The following BORA variants were observed in gnomAD, a reference collection of about 807,000 sequenced individuals.
BORA encodes protein aurora borealis.
BORA carries 26 observed loss-of-function variants against 55.8 expected under a neutral mutation model. The ratio of observed to expected loss-of-function variants is 0.47; its 90% CI spans 0.34 to 0.65. BORA has a LOEUF of 0.65. Ranked by LOEUF, BORA falls within the 30% of genes least tolerant of loss-of-function variation. BORA has a pLI of 0.01. For missense variants in BORA, 568 were observed against 671.5 expected, an observed-to-expected ratio of 0.85 and a Z score of 1.70; for synonymous variants, 201 against 216.9, an observed-to-expected ratio of 0.93 and a Z score of 0.64.
chr13:72,731,455 A>G (rs1468881831), intron 3 of BORA, 68 bp downstream of exon 3: 4 of 1,182,230 alleles, frequency 3.4e-6, no homozygotes, highest in Non-Finnish European at 4.9e-6. Flanking sequence ...GAAATTCTAA[A>G]TGTTGAGTAT....
intron 5 of BORA, among the ~76,000 whole-genome samples, chr13:72,742,703 T>C (rs1289106933): frequency 6.6e-6 from 1 of 151,870 alleles, no homozygotes; most frequent in Non-Finnish European, 1.5e-5. Context: ...AGCCAAGATA[T>C]GGAGTCAACC....
At position 72,738,123 on chromosome 13, in the gene BORA, A is replaced by G. The variant is rs1162996314; in HGVS notation, c.388+80A>G. 6 of 938,288 alleles carry G rather than the reference A, an allele frequency of 6.4e-6. No individual in the cohort carries two copies. The Admixed American group carries it at 6.4e-5, about 10-fold the overall frequency. 58.1% of individuals were successfully genotyped at this position (938,288 alleles called of 1,614,324 possible). On this transcript the variant is annotated intron_variant, in intron 5 of 11. Transcript: ENST00000390667. ...GCAACATATCATGAAGTGCCAGTATATCTGCTTTGTAAGAAGCTTGCTTTA... is the reference window on the plus strand; with the variant it reads ...GCAACATATCATGAAGTGCCAGTATGTCTGCTTTGTAAGAAGCTTGCTTTA...
At chr13:72,733,791 AT>A (rs1200136723) in intron 3 of BORA, among the ~76,000 whole-genome samples, 1 of 152,144 alleles carries the variant, frequency 6.6e-6, no homozygotes, top group Non-Finnish European at 1.5e-5. Flanking sequence ...AATTTCTGAA[AT>A]GTATACATTC....
intron 6 of BORA, among the ~76,000 whole-genome samples, chr13:72,744,248 CTTCCTT>C (rs2033095734): frequency 6.6e-6 from 1 of 152,216 alleles, no homozygotes; most frequent in Non-Finnish European, 1.5e-5. Context: ...TATAGGCTGG[CTTCCTT>C]TTCAAGTGCC....
At chr13:72,744,619 G>A in intron 7 of BORA, 58 bp downstream of exon 7, 1 of 1,349,898 alleles carries the variant, frequency 7.4e-7, no homozygotes, top group Non-Finnish European at 1.0e-6. Flanking sequence ...TTGTTTGGCT[G>A]GCTTTTTGTA....
chr13:72,744,595 T>G (rs1285239420), intron 7 of BORA, 34 bp downstream of exon 7: 1 of 1,509,698 alleles, frequency 6.6e-7, no homozygotes, highest in Non-Finnish European at 9.1e-7. Flanking sequence ...TTTTAATAAC[T>G]TGAACCAAAG....
At chr13:72,750,164 G>C (rs2033235912) in intron 10 of BORA, among the ~76,000 whole-genome samples, 2 of 152,158 alleles carry the variant, frequency 1.3e-5, no homozygotes, top group South Asian at 4.1e-4. Context: ...AGACTGAAAA[G>C]AACCAGCCAA....
rs141184748 is a variant in BORA at position 72,745,344 on chromosome 13, G to A, written c.738+137G>A. 3,130 of 700,448 alleles carry A rather than the reference G, an allele frequency of 4.5e-3. 20 individuals carry two copies. The highest frequency in any genetic ancestry group is 6.3e-3 in the Non-Finnish European group (2,671 of 425,336). 43.4% of individuals were successfully genotyped at this position (700,448 alleles called of 1,614,324 possible). A position where few individuals can be genotyped will look rare whatever the true frequency, so the allele number is the denominator to read the frequency against. Reference sequence around the variant, plus strand: ...TCTCTAGTAAATAAGTGGAAAAGAGGGATGAGGAAGGGCCTTTACTGGCCT... The same window carrying A: ...TCTCTAGTAAATAAGTGGAAAAGAGAGATGAGGAAGGGCCTTTACTGGCCT... On this transcript the variant is annotated intron_variant, in intron 8 of 11. Coordinates refer to ENST00000390667, the MANE Select transcript of BORA (RefSeq NM_024808.5).
At chr13:72,729,118 A>C (rs780105656) in intron 2 of BORA, 25 bp downstream of exon 2, 1 of 1,481,136 alleles carries the variant, frequency 6.8e-7, no homozygotes, top group South Asian at 1.3e-5. Context: ...ACTAGTGTTT[A>C]CAACTAATTT....
intron 5 of BORA, among the ~76,000 whole-genome samples, chr13:72,740,364 T>C (rs149393210): frequency 3.0e-4 from 46 of 152,310 alleles, no homozygotes; most frequent in African/African-American, 1.1e-3. Flanking sequence ...AACTTTGACA[T>C]GTTCACCTGT....
chr13:72,739,138 TC>T (rs34153947), intron 5 of BORA, among the ~76,000 whole-genome samples: 1 of 152,124 alleles, frequency 6.6e-6, no homozygotes. Context: ...TCCATTTACA[TC>T]CCCCCAGCTC....
intron 5 of BORA, among the ~76,000 whole-genome samples, chr13:72,742,815 AT>A (rs1291269286): frequency 3.3e-5 from 5 of 150,742 alleles, no homozygotes; most frequent in African/African-American, 7.3e-5. Flanking sequence ...CACACACAAA[AT>A]GGAATACTAT....
At chr13:72,752,729 G>A (rs2033310878) in intron 10 of BORA, 1 of 152,150 alleles carries the variant, frequency 6.6e-6, no homozygotes, top group African/African-American at 2.4e-5. Flanking sequence ...AAGCAGATAT[G>A]TATCCAGCCT....
At chr13:72,744,088 T>G (rs891746270) in intron 6 of BORA, among the ~76,000 whole-genome samples, 2 of 152,178 alleles carry the variant, frequency 1.3e-5, no homozygotes, top group Non-Finnish European at 2.9e-5. Flanking sequence ...AGCTGACCTT[T>G]AAAAACAAGT....
chr13:72,734,519 C>A (rs1183230508), intron 3 of BORA, among the ~76,000 whole-genome samples: 1 of 152,124 alleles, frequency 6.6e-6, no homozygotes, highest in Non-Finnish European at 1.5e-5. Context: ...TGTGAACTAT[C>A]CTCATCTATT....
At chr13:72,733,244 T>C (rs190180564) in intron 3 of BORA, among the ~76,000 whole-genome samples, 1 of 152,322 alleles carries the variant, frequency 6.6e-6, no homozygotes, top group East Asian at 1.9e-4. Flanking sequence ...ATTCTTCCCA[T>C]CCTTTTCATG....
chr13:72,733,105 A>G (rs1218072796), intron 3 of BORA, among the ~76,000 whole-genome samples: 2 of 152,266 alleles, frequency 1.3e-5, no homozygotes, highest in Admixed American at 6.5e-5. Flanking sequence ...ATTTAATAAT[A>G]TAATTCAATG....
At chr13:72,737,931 A>G in intron 4 of BORA, 31 bp from the exon 5 acceptor site, 2 of 1,439,876 alleles carry the variant, frequency 1.4e-6, no homozygotes, top group Non-Finnish European at 1.9e-6. Context: ...GGTGGAATTT[A>G]TGCCTAATTG....
At chr13:72,736,870 CTT>C (rs55986067) in intron 4 of BORA, among the ~76,000 whole-genome samples, 13 of 146,888 alleles carry the variant, frequency 8.9e-5, no homozygotes, top group South Asian at 4.3e-4. Context: ...TTAAAAATGA[CTT>C]TTTTTTTTTG....
Sources: gnomAD v4.1 joint callset for allele counts (sites outside exome capture counted in the v4.1 genomes callset) on GRCh38, gnomAD v4.1.1 for gene constraint, MANE v1.5 for transcripts, NCBI Gene and HGNC (gene_info 2026-07-23, HGNC 2026-07-21) for gene names.